Variants in CAST observed in about 807,000 individuals in gnomAD.
CAST encodes calpastatin.
A neutral mutation model predicts 119.6 loss-of-function variants in CAST; 76 were observed. That is an observed-to-expected ratio of 0.64 (90% CI 0.53 to 0.77). CAST has a LOEUF of 0.77. Ranked by LOEUF, CAST falls within the 30% of genes least tolerant of loss-of-function variation. CAST has a pLI of 0.00. For synonymous variants in CAST, 319 were observed against 331.6 expected, an observed-to-expected ratio of 0.96 and a Z score of 0.41; for missense variants, 953 against 946.5, an observed-to-expected ratio of 1.01 and a Z score of -0.09.
the CAST span, among the ~76,000 whole-genome samples, chr5:96,456,114 C>T: frequency 1.3e-5 from 2 of 152,044 alleles, no homozygotes; most frequent in South Asian, 4.2e-4. Flanking sequence ...ATCTAATGAC[C>T]GAAGGATGAC....
At chr5:96,228,211 G>C in the CAST span, among the ~76,000 whole-genome samples, 1 of 152,152 alleles carries the variant, frequency 6.6e-6, no homozygotes, top group Non-Finnish European at 1.5e-5. Context: ...GCTAGCCACT[G>C]TACCAAATCT....
At chr5:96,426,443 C>G in the CAST span, among the ~76,000 whole-genome samples, 1 of 152,072 alleles carries the variant, frequency 6.6e-6, no homozygotes, top group Non-Finnish European at 1.5e-5. Context: ...TTTGAAACTC[C>G]CTCCCCTGTG....
chr5:96,400,327 C>T, the CAST span: 1 of 691,516 alleles, frequency 1.4e-6, no homozygotes, highest in Non-Finnish European at 2.6e-6. Flanking sequence ...GTGTCTATTA[C>T]TGTTCATATA....
the CAST span, among the ~76,000 whole-genome samples, chr5:96,250,086 T>A: frequency 2.0e-5 from 3 of 152,172 alleles, no homozygotes; most frequent in Non-Finnish European, 4.4e-5. Flanking sequence ...TTCCCTTCAC[T>A]TCCCAAACAT....
the CAST span, among the ~76,000 whole-genome samples, chr5:96,294,238 T>C: frequency 6.6e-6 from 1 of 152,246 alleles, no homozygotes; most frequent in African/African-American, 2.4e-5. Flanking sequence ...CCTTTGTGTT[T>C]ATTTCATTCC....
chr5:96,081,545 T>A, the CAST span, among the ~76,000 whole-genome samples: 1 of 152,194 alleles, frequency 6.6e-6, no homozygotes, highest in Non-Finnish European at 1.5e-5. Context: ...CAAGGGAGTT[T>A]GTTAATAGAG....
At chr5:96,700,718 GC>G (rs966157127) in intron 3 of CAST, among the ~76,000 whole-genome samples, 2 of 152,066 alleles carry the variant, frequency 1.3e-5, no homozygotes, top group African/African-American at 4.8e-5. Flanking sequence ...ATTCTGATTC[GC>G]CGGGGTGGGG....
At chr5:96,432,882 C>G in the CAST span, 1 of 1,613,888 alleles carries the variant, frequency 6.2e-7, no homozygotes, top group Non-Finnish European at 8.5e-7. Flanking sequence ...AAGGTCATAG[C>G]CCAGCTCCTC....
chr5:96,662,387 C>G lies in CAST; in HGVS notation c.-36C>G. 7.1e-7 allele frequency: 1 copy of G among 1,417,640 alleles called. No individual in the cohort carries two copies. Among genetic ancestry groups the G allele is most frequent in the Non-Finnish European group, 9.2e-7 (1 of 1,091,046 alleles). The allele number at this position is 1,417,640 out of a possible 1,614,324, so 87.8% of individuals were successfully genotyped here. ...CAGGCCTCCCCGCCACTCTCCGCGG[C>G]GCATTCCGGGAGGCAGCGGCCGCAG... On this transcript the variant is annotated 5_prime_UTR_variant, in exon 1 of 32. Transcript: ENST00000675179.
the CAST span, among the ~76,000 whole-genome samples, chr5:96,119,659 A>G: frequency 3.9e-5 from 6 of 152,222 alleles, no homozygotes; most frequent in African/African-American, 1.4e-4. Context: ...ATGATTTAAG[A>G]TGACATATTT....
chr5:96,746,351 A>G lies in CAST; in HGVS notation c.1210A>G (p.Lys404Glu), dbSNP rs754817446. Residue 404 changes from lysine to glutamate, a missense_variant, in exon 17 of 32, where the codon AAA (lysine) becomes GAA (glutamate). By Grantham distance (56) the Lys-to-Glu change is moderately conservative. Coordinates refer to ENST00000675179, the MANE Select transcript of CAST (RefSeq NM_001750.7). ...SIKEVDEAKA[K>E]EEKLEKCGED... ...CCTCCATTTTCATCAGGCAAAAGCT[A>G]AAGAAGAAAAACTAGAGAAGTGTGG... The G allele has an allele frequency of 3.1e-6, 5 of 1,605,400 alleles. No individual in the cohort carries two copies. Among genetic ancestry groups the G allele is most frequent in the Admixed American group, 3.3e-5 (2 of 60,014 alleles).
At chr5:96,198,608 T>C in the CAST span, among the ~76,000 whole-genome samples, 2 of 152,302 alleles carry the variant, frequency 1.3e-5, no homozygotes, top group South Asian at 4.1e-4. Context: ...ATTACTTGTC[T>C]CACTACTGAA....
At chr5:96,125,805 T>G in the CAST span, among the ~76,000 whole-genome samples, 1 of 152,248 alleles carries the variant, frequency 6.6e-6, no homozygotes, top group Middle Eastern at 3.4e-3. Context: ...TTCAGTCTGC[T>G]CCCACAGACT....
chr5:96,279,499 G>A, the CAST span, among the ~76,000 whole-genome samples: 1 of 152,206 alleles, frequency 6.6e-6, no homozygotes, highest in East Asian at 1.9e-4. Context: ...AGCTATGTTT[G>A]ACCATGGTCC....
the CAST span, among the ~76,000 whole-genome samples, chr5:96,011,079 T>G: frequency 6.5e-4 from 99 of 152,360 alleles, no homozygotes; most frequent in Admixed American, 1.2e-3. Flanking sequence ...TTTGCCTATT[T>G]GGATGCCTTT....
At chr5:96,060,236 C>A in the CAST span, among the ~76,000 whole-genome samples, 1 of 152,110 alleles carries the variant, frequency 6.6e-6, no homozygotes, top group Non-Finnish European at 1.5e-5. Context: ...ATTATATAGT[C>A]CGAAGGGACA....
At chr5:96,268,034 GT>G in the CAST span, among the ~76,000 whole-genome samples, 2 of 152,010 alleles carry the variant, frequency 1.3e-5, no homozygotes, top group Non-Finnish European at 2.9e-5. Context: ...TCTATAAGAT[GT>G]CTTTTTGTAA....
the CAST span, among the ~76,000 whole-genome samples, chr5:96,353,460 C>A: frequency 6.6e-6 from 1 of 152,098 alleles, no homozygotes; most frequent in Non-Finnish European, 1.5e-5. Flanking sequence ...GTGTCCAGAT[C>A]GCTGGTAAAA....
At chr5:96,045,039 T>C in the CAST span, among the ~76,000 whole-genome samples, 1 of 152,128 alleles carries the variant, frequency 6.6e-6, no homozygotes, top group African/African-American at 2.4e-5. Context: ...GGTGGTTTCA[T>C]GGGTTTGTTT....
Sources: gnomAD v4.1 joint callset for allele counts (sites outside exome capture counted in the v4.1 genomes callset) on GRCh38, gnomAD v4.1.1 for gene constraint, MANE v1.5 for transcripts, NCBI Gene and HGNC (gene_info 2026-07-23, HGNC 2026-07-21) for gene names.